The following TCF7L1 variants were observed in gnomAD, a reference collection of about 807,000 sequenced individuals.
The protein encoded by TCF7L1 is transcription factor 7 like 1, also known as transcription factor 7-like 1.
In TCF7L1, 18 loss-of-function variants were observed where a neutral mutation model predicts 63.7. That is an observed-to-expected ratio of 0.28 (90% CI 0.20 to 0.42). The LOEUF (loss-of-function observed/expected upper bound fraction) is 0.42. Ranked by LOEUF, TCF7L1 falls within the 10% of genes least tolerant of loss-of-function variation. The probability of loss-of-function intolerance (pLI) is 1.00; values close to 1 mark genes in which losing one functional copy is unlikely to be tolerated. For synonymous variants in TCF7L1, 355 were observed against 340.9 expected (o/e 1.04, Z -0.46); for missense variants, 654 against 779.3 (o/e 0.84, Z 1.91).
intron 3 of TCF7L1, among the ~76,000 whole-genome samples, chr2:85,249,478 T>TC (rs1457451199): frequency 6.6e-6 from 1 of 152,174 alleles, no homozygotes; most frequent in Non-Finnish European, 1.5e-5. Flanking sequence ...TTCCTTTTTT[T>TC]CCCTCCAGAA....
chr2:85,144,719 C>CTCTGTGTGTGTGTGTGTGTGTGTG (rs1553393493), intron 3 of TCF7L1, among the ~76,000 whole-genome samples: 1 of 140,452 alleles, frequency 7.1e-6, no homozygotes, highest in African/African-American at 2.7e-5. Flanking sequence ...CTCTCTCTCT[C>CTCTGTGTGTGTGTGTGTGTGTGTG]TGTGTGTGTG....
chr2:85,256,882 C>G (rs1002111364), intron 3 of TCF7L1, among the ~76,000 whole-genome samples: 6 of 151,948 alleles, frequency 3.9e-5, no homozygotes, highest in Non-Finnish European at 8.8e-5. Context: ...ACTCGGGAAG[C>G]TGAGGCAGGA....
At chr2:85,144,743 G>GTGTGTGTA (rs1241073559) in intron 3 of TCF7L1, among the ~76,000 whole-genome samples, 1 of 148,996 alleles carries the variant, frequency 6.7e-6, no homozygotes, top group Non-Finnish European at 1.5e-5. Flanking sequence ...GTGTGTGTGT[G>GTGTGTGTA]TGTGTGTATG....
chr2:85,267,104 GC>G (rs1680993129), intron 3 of TCF7L1, among the ~76,000 whole-genome samples: 1 of 152,236 alleles, frequency 6.6e-6, no homozygotes, highest in African/African-American at 2.4e-5. Context: ...ACTTTGGGAG[GC>G]CGAGGCGGGC....
intron 4 of TCF7L1, among the ~76,000 whole-genome samples, chr2:85,294,025 G>GTTTTTTT (rs1558658876): frequency 1.6e-4 from 11 of 70,554 alleles, no homozygotes; most frequent in African/African-American, 6.8e-4. Context: ...TGAACACTGG[G>GTTTTTTT]ATTTTTTTTT....
chr2:85,210,753 C>T (rs1242589477), intron 3 of TCF7L1, among the ~76,000 whole-genome samples: 4 of 152,166 alleles, frequency 2.6e-5, no homozygotes, highest in Non-Finnish European at 5.9e-5. Context: ...GAGTACTTGC[C>T]ATGTGCCAGG....
At chr2:85,143,341 A>G (rs146951057) in intron 3 of TCF7L1, among the ~76,000 whole-genome samples, 5 of 152,320 alleles carry the variant, frequency 3.3e-5, no homozygotes, top group Non-Finnish European at 7.4e-5. Flanking sequence ...TACAAGAATC[A>G]TCTTTGGCCC....
chr2:85,225,263 CT>C (rs1462572908), intron 3 of TCF7L1, among the ~76,000 whole-genome samples: 1 of 152,182 alleles, frequency 6.6e-6, no homozygotes, highest in Non-Finnish European at 1.5e-5. Flanking sequence ...CCTATGCCGG[CT>C]CTTTTGGTTC....
chr2:85,159,044 C>T (rs761856156), intron 3 of TCF7L1, among the ~76,000 whole-genome samples: 6 of 152,182 alleles, frequency 3.9e-5, no homozygotes, highest in Admixed American at 6.5e-5. Context: ...AAGCATAACC[C>T]GGCTTTGTGG....
At chr2:85,172,478 G>A (rs1678569026) in intron 3 of TCF7L1, among the ~76,000 whole-genome samples, 1 of 152,224 alleles carries the variant, frequency 6.6e-6, no homozygotes, top group Non-Finnish European at 1.5e-5. Flanking sequence ...CCAGGCTGGA[G>A]TGCAGTGGCG....
At chr2:85,271,895 G>T (rs973714695) in intron 3 of TCF7L1, among the ~76,000 whole-genome samples, 1 of 152,212 alleles carries the variant, frequency 6.6e-6, no homozygotes, top group Non-Finnish European at 1.5e-5. Flanking sequence ...TGGAAGAGAT[G>T]AACTGAGAAC....
chr2:85,212,504 G>C (rs1679589169), intron 3 of TCF7L1, among the ~76,000 whole-genome samples: 1 of 152,182 alleles, frequency 6.6e-6, no homozygotes, highest in South Asian at 2.1e-4. Flanking sequence ...CTGTGGGTCG[G>C]AAGAAGGAAA....
chr2:85,232,041 A>C (rs145049261), intron 3 of TCF7L1, among the ~76,000 whole-genome samples: 108 of 152,214 alleles, frequency 7.1e-4, no homozygotes, highest in South Asian at 1.7e-3. Context: ...GTCATTTCTC[A>C]TTGTCACACC....
intron 3 of TCF7L1, among the ~76,000 whole-genome samples, chr2:85,278,654 T>C (rs1031622710): frequency 6.6e-6 from 1 of 152,206 alleles, no homozygotes; most frequent in Non-Finnish European, 1.5e-5. Context: ...CATCCTTCCT[T>C]AATGAGGTAA....
chr2:85,192,535 G>A (rs1212772599), intron 3 of TCF7L1, among the ~76,000 whole-genome samples: 2 of 151,918 alleles, frequency 1.3e-5, no homozygotes, highest in Non-Finnish European at 2.9e-5. Flanking sequence ...TTACAGGCAT[G>A]TATGCCCAAC....
intron 3 of TCF7L1, among the ~76,000 whole-genome samples, chr2:85,269,427 T>TA (rs1448232424): frequency 6.6e-6 from 1 of 152,312 alleles, no homozygotes; most frequent in East Asian, 1.9e-4. Flanking sequence ...TACACATACA[T>TA]AAAAAATACA....
chr2:85,266,447 T>G (rs1012962227), intron 3 of TCF7L1, among the ~76,000 whole-genome samples: 7 of 152,268 alleles, frequency 4.6e-5, no homozygotes, highest in African/African-American at 1.7e-4. Context: ...TCATAACTTC[T>G]TTATCTCAAA....
intron 3 of TCF7L1, among the ~76,000 whole-genome samples, chr2:85,255,717 G>A (rs981128604): frequency 1.1e-4 from 16 of 152,202 alleles, no homozygotes; most frequent in African/African-American, 3.9e-4. Context: ...ATTAGATGGG[G>A]TGGGGAGGAT....
At chr2:85,143,326 AT>A (rs1365270073) in intron 3 of TCF7L1, among the ~76,000 whole-genome samples, 2 of 152,230 alleles carry the variant, frequency 1.3e-5, no homozygotes. Flanking sequence ...AAAAATACTA[AT>A]TAATACAAGA....
Sources: gnomAD v4.1 joint callset for allele counts (sites outside exome capture counted in the v4.1 genomes callset) on GRCh38, gnomAD v4.1.1 for gene constraint, MANE v1.5 for transcripts, NCBI Gene and HGNC (gene_info 2026-07-23, HGNC 2026-07-21) for gene names.